Variants in TBC1D12 observed in about 807,000 individuals in gnomAD.
TBC1D12 encodes TBC1 domain family, member 12.
In TBC1D12, 56 loss-of-function variants were observed where a neutral mutation model predicts 86.7. That is an observed-to-expected ratio of 0.65 (90% CI 0.52 to 0.81). TBC1D12 has a LOEUF of 0.81. Among genes scored for constraint, TBC1D12 ranks in the 30% least tolerant of loss-of-function variants. The pLI, the probability that TBC1D12 is intolerant of heterozygous loss-of-function variation, is 0.00. For synonymous variants in TBC1D12, 421 were observed against 411.7 expected, an observed-to-expected ratio of 1.02 and a Z score of -0.27; for missense variants, 1,023 against 1,038.8, an observed-to-expected ratio of 0.98 and a Z score of 0.21.
intron 1 of TBC1D12, among the ~76,000 whole-genome samples, chr10:94,440,118 T>C (rs2055358231): frequency 6.6e-6 from 1 of 152,182 alleles, no homozygotes; most frequent in Non-Finnish European, 1.5e-5. Context: ...TCTAGTGTCA[T>C]ATGTTTATTT....
intron 10 of TBC1D12, 124 bp from the exon 11 acceptor site, chr10:94,522,220 C>G: frequency 8.2e-7 from 1 of 1,223,908 alleles, no homozygotes; most frequent in African/African-American, 1.5e-5. Flanking sequence ...TGAATGTTTG[C>G]TGAGAAGACT....
At chr10:94,492,961 C>A (rs2056265718) in intron 3 of TBC1D12, among the ~76,000 whole-genome samples, 1 of 152,068 alleles carries the variant, frequency 6.6e-6, no homozygotes, top group Non-Finnish European at 1.5e-5. Flanking sequence ...AAAATATTGA[C>A]TGAAATCTGA....
chr10:94,458,959 GC>G, intron 2 of TBC1D12, among the ~76,000 whole-genome samples: 1 of 152,104 alleles, frequency 6.6e-6, no homozygotes, highest in Non-Finnish European at 1.5e-5. Flanking sequence ...AAAAAACAAA[GC>G]TTCCACAGCG....
intron 2 of TBC1D12, among the ~76,000 whole-genome samples, chr10:94,464,503 T>C (rs935696205): frequency 7.2e-5 from 11 of 152,228 alleles, no homozygotes; most frequent in Non-Finnish European, 1.2e-4. Flanking sequence ...TCTGGCTCTA[T>C]TGCCCAGGCT....
At chr10:94,475,370 A>C (rs115428349) in intron 3 of TBC1D12, among the ~76,000 whole-genome samples, 1,653 of 152,310 alleles carry the variant, frequency 0.011, 28 homozygotes, top group African/African-American at 0.038. Context: ...CTGGGAGCCT[A>C]CTATTATTAT....
chr10:94,444,596 T>C (rs184471531), intron 2 of TBC1D12, among the ~76,000 whole-genome samples: 271 of 152,364 alleles, frequency 1.8e-3, no homozygotes, highest in African/African-American at 6.3e-3. Context: ...TTTATATCTT[T>C]ATATAAACTA....
chr10:94,403,481 C>T lies in TBC1D12; in HGVS notation c.868C>T (p.Pro290Ser), dbSNP rs1043789115. ...SRGQSARDHL[P>S]PAGPPVPLPA... ...CGGTCAGAGCGCCCGCGATCACCTG[C>T]CCCCGGCGGGGCCGCCGGTGCCCTT... is the stretch of plus-strand genomic sequence containing the variant. Residue 290 changes from proline to serine, a missense_variant, in exon 1 of 13, where the codon CCC (proline) becomes TCC (serine). Around this residue, in one of 2 missense-constraint regions of TBC1D12, gnomAD observed 628 missense variants for 531.1 expected, o/e 1.18. Coordinates refer to ENST00000225235, the MANE Select transcript of TBC1D12 (RefSeq NM_015188.2). 5.8e-6 allele frequency: 9 copies of T among 1,541,780 alleles called. No individual in the cohort carries two copies. In the African/African-American group the frequency reaches 8.5e-5, roughly 14 times the overall value.
chr10:94,403,716 A>T (rs947835813), intron 1 of TBC1D12, 132 bp downstream of exon 1: 1 of 1,104,942 alleles, frequency 9.1e-7, no homozygotes, highest in African/African-American at 1.7e-5. Context: ...CCAGCCCCAC[A>T]CGCGTCAGGA....
intron 3 of TBC1D12, among the ~76,000 whole-genome samples, chr10:94,490,388 A>T (rs1413782870): frequency 6.6e-6 from 1 of 152,234 alleles, no homozygotes; most frequent in African/African-American, 2.4e-5. Context: ...TTCAATATGT[A>T]AAAAATGCAA....
intron 2 of TBC1D12, among the ~76,000 whole-genome samples, chr10:94,452,661 C>T (rs887434787): frequency 6.6e-6 from 1 of 152,226 alleles, no homozygotes; most frequent in East Asian, 1.9e-4. Flanking sequence ...TCTGGGAACA[C>T]CACAGTTTAT....
chr10:94,523,043 CAAAA>C (rs35912130), intron 11 of TBC1D12, among the ~76,000 whole-genome samples: 4 of 64,632 alleles, frequency 6.2e-5, no homozygotes, highest in Non-Finnish European at 8.6e-5. Flanking sequence ...GACTCCAGCT[CAAAA>C]AAAAAAAAAA....
At chr10:94,414,710 CCA>C (rs2054976141) in intron 1 of TBC1D12, among the ~76,000 whole-genome samples, 1 of 151,914 alleles carries the variant, frequency 6.6e-6, no homozygotes, top group African/African-American at 2.4e-5. Flanking sequence ...AGCGATTCTC[CCA>C]TCTCAGCCTC....
At chr10:94,447,005 A>G (rs145541104) in intron 2 of TBC1D12, among the ~76,000 whole-genome samples, 1,532 of 146,598 alleles carry the variant, frequency 0.01, 27 homozygotes, top group East Asian at 0.063. Flanking sequence ...CCTGGGAGGT[A>G]GAGGTTGCAG....
At chr10:94,491,028 C>T (rs1349646799) in intron 3 of TBC1D12, among the ~76,000 whole-genome samples, 1 of 152,038 alleles carries the variant, frequency 6.6e-6, no homozygotes, top group Non-Finnish European at 1.5e-5. Flanking sequence ...AAACTTTCTC[C>T]TCACCTTAGG....
At chr10:94,465,735 CG>C (rs2055801655) in intron 2 of TBC1D12, among the ~76,000 whole-genome samples, 1 of 146,916 alleles carries the variant, frequency 6.8e-6, no homozygotes, top group Non-Finnish European at 1.5e-5. Context: ...TACATACATA[CG>C]TATACATACA....
rs894589861 is a variant in TBC1D12, at chr10:94,460,011, C to T, written c.1096-14657C>T. Reference sequence around the variant, plus strand: ...AGAGCGGACACAGAGGCTGAGGAGGCACCGAGAGTGAGCAAGGGCTGCCAG... The same window carrying T: ...AGAGCGGACACAGAGGCTGAGGAGGTACCGAGAGTGAGCAAGGGCTGCCAG... On this transcript the variant is annotated intron_variant, in intron 2 of 12. Transcript: ENST00000225235. 3.3e-5 allele frequency among the ~76,000 whole-genome samples: 5 copies of T among 152,292 alleles called. No individual in the cohort carries two copies. In the East Asian group the frequency reaches 7.7e-4, roughly 24 times the overall value.
At chr10:94,521,889 A>G in intron 9 of TBC1D12, 66 bp from the exon 10 acceptor site, 2 of 1,369,242 alleles carry the variant, frequency 1.5e-6, no homozygotes, top group Non-Finnish European at 1.9e-6. Flanking sequence ...TCAGGAGTAC[A>G]ATAAAATAAA....
At chr10:94,484,327 A>G (rs1357348417) in intron 3 of TBC1D12, among the ~76,000 whole-genome samples, 1 of 149,666 alleles carries the variant, frequency 6.7e-6, no homozygotes, top group African/African-American at 2.5e-5. Flanking sequence ...GGCTCACCGC[A>G]ACCTCCACCT....
intron 1 of TBC1D12, among the ~76,000 whole-genome samples, chr10:94,428,284 T>C (rs1013026749): frequency 1.4e-5 from 2 of 141,432 alleles, no homozygotes; most frequent in African/African-American, 5.2e-5. Flanking sequence ...TGGAACTTCT[T>C]TTTTTTTTTT....
Sources: gnomAD v4.1 joint callset for allele counts (sites outside exome capture counted in the v4.1 genomes callset) on GRCh38, gnomAD v4.1.1 for gene constraint, gnomAD v4.1.1 regional missense constraint, MANE v1.5 for transcripts, NCBI Gene and HGNC (gene_info 2026-07-23, HGNC 2026-07-21) for gene names.